CRACD: variants seen among roughly 807,000 people sequenced by gnomAD.
CRACD encodes capping protein inhibiting regulator of actin dynamics, also known as capping protein-inhibiting regulator of actin dynamics.
Under a neutral mutation model 106.8 loss-of-function variants are expected in CRACD, and 56 were observed. The observed-to-expected ratio is 0.52, with a 90% CI of 0.42 to 0.66. The LOEUF (loss-of-function observed/expected upper bound fraction) is 0.66. Among genes scored for constraint, CRACD ranks in the 30% least tolerant of loss-of-function variants. The probability of loss-of-function intolerance (pLI) is 0.00; values close to 1 mark genes in which losing one functional copy is unlikely to be tolerated. For synonymous variants in CRACD, 754 were observed against 670.8 expected (o/e 1.12, Z -1.92); for missense variants, 1,730 against 1,623.2 (o/e 1.07, Z -1.13).
chr4:56,298,173 A>G, intron 3 of CRACD, 41 bp from the exon 4 acceptor site: 1 of 1,592,290 alleles, frequency 6.3e-7, no homozygotes, highest in Non-Finnish European at 8.6e-7. Flanking sequence ...GCCAAAAGAA[A>G]TTTTATCCTA....
chr4:56,184,827 G>A (rs531992020), intron 2 of CRACD, among the ~76,000 whole-genome samples: 1 of 152,210 alleles, frequency 6.6e-6, no homozygotes, highest in Admixed American at 6.5e-5. Context: ...CCCCAGTAGT[G>A]GTAGATTGTT....
intron 1 of CRACD, among the ~76,000 whole-genome samples, chr4:56,103,480 T>C (rs958460161): frequency 1.3e-5 from 2 of 152,220 alleles, no homozygotes; most frequent in African/African-American, 4.8e-5. Flanking sequence ...TCTTTTCTGC[T>C]AAGATTCTGG....
At chr4:56,177,709 G>T (rs1736648312) in intron 1 of CRACD, among the ~76,000 whole-genome samples, 1 of 151,956 alleles carries the variant, frequency 6.6e-6, no homozygotes, top group African/African-American at 2.4e-5. Flanking sequence ...TTATTTGTCT[G>T]TTCAGATTCT....
chr4:56,058,343 A>T (rs889692178), intron 1 of CRACD, among the ~76,000 whole-genome samples: 1 of 152,238 alleles, frequency 6.6e-6, no homozygotes, highest in Non-Finnish European at 1.5e-5. Context: ...TGCCAGGATT[A>T]CAGGTGTGAG....
At chr4:56,308,697 C>G (rs1027904472) in intron 5 of CRACD, 38 of 967,392 alleles carry the variant, frequency 3.9e-5, no homozygotes, top group Non-Finnish European at 4.3e-5. Context: ...ATTGTGACAC[C>G]TGGCACCCAC....
intron 7 of CRACD, among the ~76,000 whole-genome samples, 187 bp downstream of exon 7, chr4:56,313,566 G>A (rs537544930): frequency 2.6e-5 from 4 of 152,354 alleles, no homozygotes. Flanking sequence ...TCTGGCATGA[G>A]GCTGGTGGAC....
intron 2 of CRACD, among the ~76,000 whole-genome samples, chr4:56,226,796 C>T (rs1739324457): frequency 1.3e-5 from 2 of 151,788 alleles, no homozygotes; most frequent in Non-Finnish European, 2.9e-5. Flanking sequence ...AGCCTGGCAC[C>T]TGCCTTCCTT....
chr4:56,061,257 A>G (rs959621827), intron 1 of CRACD, among the ~76,000 whole-genome samples: 6 of 151,986 alleles, frequency 3.9e-5, no homozygotes, highest in African/African-American at 1.5e-4. Flanking sequence ...GGCAGCCTCG[A>G]CCTCCGGGGC....
At chr4:56,321,543 T>C (rs914088738) in intron 8 of CRACD, among the ~76,000 whole-genome samples, 1 of 152,222 alleles carries the variant, frequency 6.6e-6, no homozygotes, top group African/African-American at 2.4e-5. Flanking sequence ...ATAATAGCTT[T>C]CTATAGAAAT....
chr4:56,320,340 C>G (rs991624004), intron 8 of CRACD, among the ~76,000 whole-genome samples: 2 of 152,070 alleles, frequency 1.3e-5, no homozygotes, highest in African/African-American at 4.8e-5. Context: ...GACTATGATA[C>G]GCCTGTCCAC....
At chr4:56,258,676 C>A (rs982499868) in intron 2 of CRACD, among the ~76,000 whole-genome samples, 13 of 152,276 alleles carry the variant, frequency 8.5e-5, no homozygotes, top group Middle Eastern at 3.4e-3. Context: ...GAAGGGAAAT[C>A]CCCCCAGTGG....
At chr4:56,121,220 C>T (rs2109853913) in intron 1 of CRACD, among the ~76,000 whole-genome samples, 1 of 152,272 alleles carries the variant, frequency 6.6e-6, no homozygotes, top group Middle Eastern at 3.4e-3. Context: ...TAAAGATACT[C>T]ATATTCAGTA....
Position 56,218,465 on chromosome 4 carries a change from G to C in CRACD, c.-189+39035G>C, listed in dbSNP as rs143077212. On this transcript the variant is annotated intron_variant, in intron 2 of 10. Transcript: ENST00000682029. ...TCCATCCCCTCCCTTTCCTTCCCCT[G>C]CCTTTCCTTCCCCTCCCTTTCCTTC... Among the ~76,000 whole-genome samples the C allele has an allele frequency of 4.1e-4, 27 of 65,814 alleles. No homozygotes were observed. The South Asian group carries it at 5.2e-3, about 13-fold the overall frequency. 43.2% of individuals were successfully genotyped at this position (65,814 alleles called of 152,430 possible). A position where few individuals can be genotyped will look rare whatever the true frequency, so the allele number is the denominator to read the frequency against.
At chr4:56,076,358 T>C (rs973842466) in intron 1 of CRACD, among the ~76,000 whole-genome samples, 1 of 152,066 alleles carries the variant, frequency 6.6e-6, no homozygotes, top group East Asian at 1.9e-4. Flanking sequence ...AATACAGGGG[T>C]GATATAGAAA....
At chr4:56,192,505 AG>A (rs561122039) in intron 2 of CRACD, among the ~76,000 whole-genome samples, 24 of 152,224 alleles carry the variant, frequency 1.6e-4, no homozygotes, top group Non-Finnish European at 1.2e-4. Context: ...GTTACTAAAT[AG>A]GGCGTGATAC....
chr4:56,101,182 A>G (rs1329991023), intron 1 of CRACD, among the ~76,000 whole-genome samples: 1 of 152,168 alleles, frequency 6.6e-6, no homozygotes, highest in East Asian at 1.9e-4. Flanking sequence ...ATATATTTAT[A>G]TATAATTAGG....
intron 1 of CRACD, among the ~76,000 whole-genome samples, chr4:56,153,705 C>T (rs990997861): frequency 2.6e-5 from 4 of 152,214 alleles, no homozygotes; most frequent in Non-Finnish European, 2.9e-5. Context: ...ACTTGTATTT[C>T]GTTCTTCAGC....
Position 56,315,041 on chromosome 4 carries a change from T to C in CRACD, c.1539T>C (p.Leu513=). Residue 513 remains leucine, a synonymous_variant, in exon 8 of 11, where the codon CTT becomes CTC. Transcript: ENST00000682029. This position sits in a 1 kb window ranked among gnomAD's most constrained non-coding sequence, Gnocchi z 4.1. ...TGGAGAGGAAAGAAGCCGCCGCCCT[T>C]GAACAAGGCCGCAAGGTGGAGGAGC... ...PPVERKEAAA[L]EQGRKVEELR... 6.2e-7 allele frequency: 1 copy of C among 1,604,306 alleles called. No homozygotes were observed. The highest frequency in any genetic ancestry group is 1.1e-5 in the South Asian group (1 of 88,820).
rs1577903965 is a variant in CRACD at position 56,314,996 on chromosome 4, G to A, written c.1494G>A (p.Val498=). 2 of 1,586,766 alleles carry A rather than the reference G, an allele frequency of 1.3e-6. No homozygotes were observed. The highest frequency in any genetic ancestry group is 4.5e-5 in the East Asian group (2 of 44,018). Residue 498 remains valine, a synonymous_variant, in exon 8 of 11, where the codon GTG becomes GTA. Transcript: ENST00000682029. The surrounding 1 kb of genome is among the most constrained non-coding windows in gnomAD (Gnocchi z 4.4). ...TEPLLKQEGP[V]EAAQPPVERK... is the part of the protein sequence containing the mutation. ...CTCTCCTGAAACAAGAGGGGCCGGT[G>A]GAAGCCGCGCAGCCTCCGGTGGAGA...
Sources: allele counts gnomAD v4.1 joint callset (sites outside exome capture counted in the v4.1 genomes callset), GRCh38; gene constraint gnomAD v4.1.1; non-coding constraint Gnocchi (gnomAD v3.1); transcripts MANE v1.5; gene names NCBI Gene and HGNC (gene_info 2026-07-23, HGNC 2026-07-21).